The following B3GALT1 variants were observed in gnomAD, a reference collection of about 807,000 sequenced individuals.
B3GALT1 encodes the protein UDP-Gal:betaGlcNAc beta 1,3-galactosyltransferase, polypeptide 1.
B3GALT1 carries 10 observed loss-of-function variants against 23.2 expected under a neutral mutation model. The ratio of observed to expected loss-of-function variants is 0.43; its 90% CI spans 0.27 to 0.73. The LOEUF (loss-of-function observed/expected upper bound fraction) is 0.73, where lower values mean the gene tolerates loss of function less well. Ranked by LOEUF, B3GALT1 falls within the 30% of genes least tolerant of loss-of-function variation. The pLI is 0.21. For missense variants in B3GALT1, 299 were observed against 405.4 expected (o/e 0.74, Z 2.25); for synonymous variants, 156 against 141.5 (o/e 1.10, Z -0.73).
At chr2:167,458,532 C>T (rs1028857235) in intron 1 of B3GALT1, among the ~76,000 whole-genome samples, 2 of 152,172 alleles carry the variant, frequency 1.3e-5, no homozygotes, top group African/African-American at 4.8e-5. Flanking sequence ...AGAAACTTCT[C>T]TACTGTCTTC....
At position 167,568,922 on chromosome 2, in the gene B3GALT1, G is replaced by A. The variant is rs190494540; in HGVS notation, c.-409-77987G>A. ...AAAGGTACCATAAGGTATGTGTTTA[G>A]ATTCATTGTTTTGCACGTGGATGTG... On this transcript the variant is annotated intron_variant, in intron 2 of 4. Transcript: ENST00000392690. Among the ~76,000 whole-genome samples the A allele has an allele frequency of 1.5e-3, 234 of 152,018 alleles. 1 individual carries two copies. The highest frequency in any genetic ancestry group is 5.4e-3 in the African/African-American group (226 of 41,518).
chr2:167,388,400 G>A (rs1697957577), intron 1 of B3GALT1, among the ~76,000 whole-genome samples: 1 of 152,184 alleles, frequency 6.6e-6, no homozygotes, highest in Non-Finnish European at 1.5e-5. Context: ...GAAGGAGAAA[G>A]ACTGAAGAAG....
intron 3 of B3GALT1, among the ~76,000 whole-genome samples, chr2:167,786,449 G>A (rs758743623): frequency 6.6e-6 from 1 of 152,124 alleles, no homozygotes; most frequent in Non-Finnish European, 1.5e-5. Flanking sequence ...CTTATTCCGA[G>A]CTTACTTAAT....
chr2:167,672,925 T>TAG lies in B3GALT1; in HGVS notation c.-352+25960_-352+25961insGA, dbSNP rs1686358312. Among the ~76,000 whole-genome samples, 14 of 149,210 alleles carry TAG rather than the reference T, an allele frequency of 9.4e-5. No individual in the cohort carries two copies. The South Asian group carries it at 2.7e-3, about 29-fold the overall frequency. Reference sequence around the variant, plus strand: ...TTCTTCAGACCTCATTGAAGGCCTGTAAAACACCAGTAGATTCTACTGAAA... The same window carrying TAG: ...TTCTTCAGACCTCATTGAAGGCCTGTAGAAAACACCAGTAGATTCTACTGAAA... On this transcript the variant is annotated intron_variant, in intron 3 of 4. Coordinates refer to ENST00000392690, the MANE Select transcript of B3GALT1 (RefSeq NM_020981.4).
At chr2:167,752,447 G>C (rs1211395488) in intron 3 of B3GALT1, among the ~76,000 whole-genome samples, 6 of 151,756 alleles carry the variant, frequency 4.0e-5, no homozygotes, top group Admixed American at 3.9e-4. Context: ...GCCATGAGGA[G>C]ACCTACGTGA....
chr2:167,642,382 C>T (rs776074444), intron 2 of B3GALT1, among the ~76,000 whole-genome samples: 48 of 152,052 alleles, frequency 3.2e-4, no homozygotes, highest in Non-Finnish European at 5.9e-4. Flanking sequence ...ACTATAAAAC[C>T]AGTTGTTTTG....
chr2:167,628,584 T>A (rs73015421), intron 2 of B3GALT1, among the ~76,000 whole-genome samples: 2,419 of 151,912 alleles, frequency 0.016, 86 homozygotes, highest in African/African-American at 0.055. Context: ...ATAAGCAAGC[T>A]AGTGGATTTA....
At chr2:167,667,614 A>C (rs1184164289) in intron 3 of B3GALT1, among the ~76,000 whole-genome samples, 5 of 152,218 alleles carry the variant, frequency 3.3e-5, no homozygotes, top group Non-Finnish European at 7.4e-5. Context: ...TGGTCTTTTC[A>C]CATAGTCCCA....
chr2:167,371,269 T>C (rs1340882850), intron 1 of B3GALT1, among the ~76,000 whole-genome samples: 2 of 152,156 alleles, frequency 1.3e-5, no homozygotes, highest in African/African-American at 4.8e-5. Context: ...AATGTTGACA[T>C]AGTATGTCAT....
intron 3 of B3GALT1, among the ~76,000 whole-genome samples, chr2:167,817,948 T>A (rs1689027966): frequency 6.6e-6 from 1 of 152,136 alleles, no homozygotes; most frequent in South Asian, 2.1e-4. Flanking sequence ...CACTAAAAGG[T>A]CTTAAGTGAA....
chr2:167,562,976 C>T (rs907394636), intron 2 of B3GALT1, among the ~76,000 whole-genome samples: 6 of 152,106 alleles, frequency 3.9e-5, no homozygotes, highest in South Asian at 2.1e-4. Flanking sequence ...GCAAGGTCAC[C>T]GATCAACAGG....
intron 2 of B3GALT1, among the ~76,000 whole-genome samples, chr2:167,617,901 T>C (rs1685188904): frequency 6.6e-6 from 1 of 152,052 alleles, no homozygotes; most frequent in Non-Finnish European, 1.5e-5. Flanking sequence ...ATCTAGATAA[T>C]TAAAAGGAAT....
chr2:167,512,582 A>ATATATATATGTG lies in B3GALT1; in HGVS notation c.-410+22315_-410+22326dup, dbSNP rs1558887760. 1.0e-3 allele frequency among the ~76,000 whole-genome samples: 78 copies of ATATATATATGTG among 75,304 alleles called. 2 individuals are homozygous for ATATATATATGTG. The highest frequency in any genetic ancestry group is 4.4e-3 in the African/African-American group (70 of 15,924). The allele number at this position is 75,304 out of a possible 152,430, so 49.4% of individuals were successfully genotyped here. A position where few individuals can be genotyped will look rare whatever the true frequency, so the allele number is the denominator to read the frequency against. On this transcript the variant is annotated intron_variant, in intron 2 of 4. Coordinates refer to ENST00000392690, the MANE Select transcript of B3GALT1 (RefSeq NM_020981.4). ...TATATATATATGTATATATATATGT[A>ATATATATATGTG]TATATATATGTGTATATATATATAT...
intron 3 of B3GALT1, chr2:167,714,302 G>A: frequency 2.0e-6 from 3 of 1,499,374 alleles, no homozygotes; most frequent in Non-Finnish European, 2.8e-6. Flanking sequence ...AGTGTCAGAA[G>A]GAGCCCTGTG....
chr2:167,415,189 C>A (rs192667297), intron 1 of B3GALT1, among the ~76,000 whole-genome samples: 1 of 152,210 alleles, frequency 6.6e-6, no homozygotes, highest in Admixed American at 6.5e-5. Context: ...GTCATTGGGT[C>A]CTGAAAGTGC....
intron 4 of B3GALT1, among the ~76,000 whole-genome samples, chr2:167,846,634 A>C (rs1689766309): frequency 6.6e-6 from 1 of 152,206 alleles, no homozygotes; most frequent in African/African-American, 2.4e-5. Flanking sequence ...AAACACATCA[A>C]AACAGAACCT....
At chr2:167,552,558 A>C (rs1683768500) in intron 2 of B3GALT1, among the ~76,000 whole-genome samples, 1 of 152,192 alleles carries the variant, frequency 6.6e-6, no homozygotes, top group African/African-American at 2.4e-5. Flanking sequence ...TCACTTAGCA[A>C]ATGCAGTGTA....
chr2:167,293,822 C>T lies in B3GALT1; in HGVS notation c.-511+488C>T, dbSNP rs564556587. Among the ~76,000 whole-genome samples, 720 of 152,092 alleles carry T rather than the reference C, an allele frequency of 4.7e-3. 4 individuals carry two copies. Among genetic ancestry groups the T allele is most frequent in the African/African-American group, 0.016 (670 of 41,506 alleles). On this transcript the variant is annotated intron_variant, in intron 1 of 4. Transcript: ENST00000392690. Reference sequence around the variant, plus strand: ...TGGCGCGCCAGGGGAGAGGCGCGTTCCACGAGGCTCCCCAAAGTCCCACTT... The same window carrying T: ...TGGCGCGCCAGGGGAGAGGCGCGTTTCACGAGGCTCCCCAAAGTCCCACTT...
chr2:167,517,111 T>C (rs960113539), intron 2 of B3GALT1, among the ~76,000 whole-genome samples: 1 of 152,008 alleles, frequency 6.6e-6, no homozygotes, highest in Non-Finnish European at 1.5e-5. Flanking sequence ...ATTAAATATT[T>C]GATGAATATT....
Sources: gnomAD v4.1 joint callset for allele counts (sites outside exome capture counted in the v4.1 genomes callset) on GRCh38, gnomAD v4.1.1 for gene constraint, MANE v1.5 for transcripts, NCBI Gene and HGNC (gene_info 2026-07-23, HGNC 2026-07-21) for gene names.